TAF4B: variants seen among roughly 807,000 people sequenced by gnomAD.
TAF4B encodes TATA-box binding protein associated factor 4b, also known as transcription initiation factor TFIID subunit 4B.
A neutral mutation model predicts 86.4 loss-of-function variants in TAF4B; 38 were observed. The observed-to-expected ratio is 0.44, with a 90% CI of 0.34 to 0.58. The LOEUF (loss-of-function observed/expected upper bound fraction) is 0.58. TAF4B is among the 20% of genes least tolerant of loss of function. The pLI, the probability that TAF4B is intolerant of heterozygous loss-of-function variation, is 0.02. For synonymous variants in TAF4B, 388 were observed against 391.2 expected (o/e 0.99, Z 0.10); for missense variants, 988 against 1,027.6 (o/e 0.96, Z 0.53).
intron 5 of TAF4B, among the ~76,000 whole-genome samples, chr18:26,280,954 G>A (rs1471160496): frequency 6.6e-6 from 1 of 152,104 alleles, no homozygotes; most frequent in African/African-American, 2.4e-5. Context: ...ATACACCATG[G>A]AATACTACAC....
chr18:26,367,178 C>T (rs1374003666), intron 14 of TAF4B, among the ~76,000 whole-genome samples: 1 of 152,158 alleles, frequency 6.6e-6, no homozygotes, highest in Non-Finnish European at 1.5e-5. Context: ...CATGTATGTA[C>T]AGGGATATTA....
intron 1 of TAF4B, among the ~76,000 whole-genome samples, chr18:26,253,227 C>T (rs890598727): frequency 5.9e-5 from 9 of 152,120 alleles, no homozygotes; most frequent in African/African-American, 2.2e-4. Context: ...TCTGTAAATC[C>T]ATTTATCAGG....
intron 9 of TAF4B, among the ~76,000 whole-genome samples, chr18:26,303,077 C>CCCCTCCACTGTCATCCT (rs2056755488): frequency 3.0e-5 from 1 of 33,580 alleles, no homozygotes. Context: ...ACTTTCATAC[C>CCCCTCCACTGTCATCCT]CCCTCCACTT....
At chr18:26,257,470 A>G (rs1450120859) in intron 1 of TAF4B, among the ~76,000 whole-genome samples, 1 of 152,050 alleles carries the variant, frequency 6.6e-6, no homozygotes, top group Non-Finnish European at 1.5e-5. Flanking sequence ...ATATAGTTGA[A>G]TTTTGTTTTT....
chr18:26,245,881 C>T (rs2055916382), intron 1 of TAF4B, among the ~76,000 whole-genome samples: 2 of 152,144 alleles, frequency 1.3e-5, no homozygotes, highest in African/African-American at 4.8e-5. Context: ...GACCACTTGC[C>T]TATTCGCAGG....
At chr18:26,252,179 A>G (rs1000750458) in intron 1 of TAF4B, among the ~76,000 whole-genome samples, 2 of 152,224 alleles carry the variant, frequency 1.3e-5, no homozygotes, top group African/African-American at 4.8e-5. Flanking sequence ...TGTTGAAAGT[A>G]ATTAAAGTAT....
intron 7 of TAF4B, among the ~76,000 whole-genome samples, chr18:26,287,793 G>A (rs1190712933): frequency 2.0e-5 from 3 of 152,140 alleles, no homozygotes; most frequent in African/African-American, 4.8e-5. Context: ...AGTGATTGTC[G>A]TCTGAGGCAA....
intron 6 of TAF4B, among the ~76,000 whole-genome samples, chr18:26,282,939 T>G (rs1403567638): frequency 6.6e-6 from 1 of 152,226 alleles, no homozygotes; most frequent in East Asian, 1.9e-4. Context: ...CCTCATCTCT[T>G]TCAGTTTTGT....
At position 26,249,043 on chromosome 18, in the gene TAF4B, G is replaced by A. The variant is rs188347108; in HGVS notation, c.344-16127G>A. Among the ~76,000 whole-genome samples, 1,256 of 151,636 alleles carry A rather than the reference G, an allele frequency of 8.3e-3. 18 individuals carry two copies. Among genetic ancestry groups the A allele is most frequent in the African/African-American group, 0.029 (1,201 of 41,388 alleles). The stretch of plus-strand genomic sequence containing the variant: ...AAAAATTAGCTGGGCGTGGTGGTAC[G>A]TGCCTGTAATCCCAGCTACTCTGGA... On this transcript the variant is annotated intron_variant, in intron 1 of 14. Coordinates refer to ENST00000269142, the MANE Select transcript of TAF4B (RefSeq NM_005640.3).
At chr18:26,299,113 G>A (rs538255072) in intron 9 of TAF4B, among the ~76,000 whole-genome samples, 2 of 142,274 alleles carry the variant, frequency 1.4e-5, no homozygotes, top group African/African-American at 2.6e-5. Flanking sequence ...TGCCTGCCTC[G>A]GCCTCCCAAA....
intron 14 of TAF4B, among the ~76,000 whole-genome samples, chr18:26,372,494 C>T (rs1335109366): frequency 6.6e-6 from 1 of 152,004 alleles, no homozygotes; most frequent in African/African-American, 2.4e-5. Flanking sequence ...TAGTAAAGAC[C>T]ATCAGAATCA....
intron 5 of TAF4B, among the ~76,000 whole-genome samples, chr18:26,278,865 A>G (rs2056413481): frequency 1.3e-5 from 2 of 152,090 alleles, no homozygotes; most frequent in East Asian, 1.9e-4. Flanking sequence ...GTTCTTTGGA[A>G]CTGCTGTTAT....
At chr18:26,235,502 C>T (rs2055735652) in intron 1 of TAF4B, among the ~76,000 whole-genome samples, 2 of 152,162 alleles carry the variant, frequency 1.3e-5, no homozygotes, top group Non-Finnish European at 2.9e-5. Context: ...TCTAGAGTAG[C>T]CTGCTGGCAT....
chr18:26,238,166 T>C (rs2055778110), intron 1 of TAF4B, among the ~76,000 whole-genome samples: 2 of 152,174 alleles, frequency 1.3e-5, no homozygotes, highest in South Asian at 4.1e-4. Context: ...AAATCGGATT[T>C]AGTGGGCCTT....
Position 26,245,528 on chromosome 18 carries a change from C to G in TAF4B, c.343+18252C>G, listed in dbSNP as rs1028162319. ...TCCATTTCTGTCCTATCAGAGTGCC[C>G]TTTTTTCAATCTTCCCTGTGATTGG... On this transcript the variant is annotated intron_variant, in intron 1 of 14. Coordinates refer to ENST00000269142, the MANE Select transcript of TAF4B (RefSeq NM_005640.3). Among the ~76,000 whole-genome samples, 14 of 152,240 alleles carry G rather than the reference C, an allele frequency of 9.2e-5. No individual in the cohort carries two copies. In the East Asian group the frequency reaches 2.7e-3, roughly 29 times the overall value.
At chr18:26,302,197 A>G (rs17799737) in intron 9 of TAF4B, among the ~76,000 whole-genome samples, 6,627 of 151,892 alleles carry the variant, frequency 0.044, 204 homozygotes, top group Non-Finnish European at 0.061. Context: ...AGTGTTTTGC[A>G]ATTTACTTTC....
intron 5 of TAF4B, among the ~76,000 whole-genome samples, chr18:26,280,323 A>G (rs1023630352): frequency 5.3e-5 from 8 of 152,170 alleles, no homozygotes; most frequent in African/African-American, 1.7e-4. Context: ...GTGGAACCTA[A>G]CTAAACTAAG....
chr18:26,346,759 G>GTGTATA lies in TAF4B; in HGVS notation c.2317-10930_2317-10929insGTATAT, dbSNP rs1202008455. Among the ~76,000 whole-genome samples, 101 of 27,134 alleles carry GTGTATA rather than the reference G, an allele frequency of 3.7e-3. 17 individuals are homozygous for GTGTATA. The highest frequency in any genetic ancestry group is 8.5e-3 in the African/African-American group (92 of 10,782). The allele number at this position is 27,134 out of a possible 152,430, so 17.8% of individuals were successfully genotyped here. On this transcript the variant is annotated intron_variant, in intron 13 of 14. Transcript: ENST00000269142. ...CAAGAATATATATATATATATGTGT[G>GTGTATA]TATATATATATATATGTGTGTGTAT...
intron 12 of TAF4B, 39 bp downstream of exon 12, chr18:26,327,179 C>T (rs550048024): frequency 1.3e-6 from 2 of 1,596,452 alleles, no homozygotes; most frequent in African/African-American, 1.3e-5. Context: ...TGTGGCCTGG[C>T]AGTGTGGTCA....
Sources: allele counts gnomAD v4.1 joint callset (sites outside exome capture counted in the v4.1 genomes callset), GRCh38; gene constraint gnomAD v4.1.1; transcripts MANE v1.5; gene names NCBI Gene and HGNC (gene_info 2026-07-23, HGNC 2026-07-21).